The following MBD5 variants were observed in gnomAD, a reference collection of about 807,000 sequenced individuals.
The protein encoded by MBD5 is methyl-CpG-binding domain protein 5.
MBD5 carries 13 observed loss-of-function variants against 117.3 expected under a neutral mutation model. The observed-to-expected ratio is 0.11, with a 90% CI of 0.07 to 0.18. The LOEUF (loss-of-function observed/expected upper bound fraction) is 0.18. Ranked by LOEUF, MBD5 falls within the 10% of genes least tolerant of loss-of-function variation. MBD5 has a pLI of 1.00. For missense variants in MBD5, 1,879 were observed against 2,093.8 expected (o/e 0.90, Z 2.00); for synonymous variants, 727 against 766.4 (o/e 0.95, Z 0.85).
At chr2:148,342,761 T>A (rs561165206) in intron 4 of MBD5, among the ~76,000 whole-genome samples, 21 of 151,974 alleles carry the variant, frequency 1.4e-4, no homozygotes, top group African/African-American at 3.9e-4. Context: ...TTAAAAAAAA[T>A]TTATTTTTTT....
At chr2:148,409,297 A>C (rs1366580251) in intron 4 of MBD5, among the ~76,000 whole-genome samples, 2 of 151,756 alleles carry the variant, frequency 1.3e-5, no homozygotes, top group Non-Finnish European at 2.9e-5. Context: ...CTGAGGTGGG[A>C]GGATCACTTG....
intron 2 of MBD5, among the ~76,000 whole-genome samples, chr2:148,184,271 C>T (rs975795711): frequency 2.0e-5 from 3 of 152,134 alleles, no homozygotes; most frequent in Non-Finnish European, 4.4e-5. Context: ...CCTTGGCTTC[C>T]CACAGTGCTG....
intron 4 of MBD5, among the ~76,000 whole-genome samples, chr2:148,430,426 A>T (rs987424561): frequency 2.0e-5 from 3 of 152,110 alleles, no homozygotes; most frequent in South Asian, 2.1e-4. Context: ...TTGTTTTTTT[A>T]AAAAATGTGT....
chr2:148,450,913 C>G (rs1475926182), intron 4 of MBD5, among the ~76,000 whole-genome samples: 3 of 152,166 alleles, frequency 2.0e-5, no homozygotes, highest in Non-Finnish European at 4.4e-5. Context: ...AAGATGGGCA[C>G]AGACAAGCAT....
chr2:148,441,210 T>C (rs1345680549), intron 4 of MBD5, among the ~76,000 whole-genome samples: 1 of 152,118 alleles, frequency 6.6e-6, no homozygotes, highest in Non-Finnish European at 1.5e-5. Context: ...ACCCATTAAC[T>C]CGTCATTTAA....
chr2:148,434,697 G>A (rs1399726736), intron 4 of MBD5, among the ~76,000 whole-genome samples: 2 of 152,160 alleles, frequency 1.3e-5, no homozygotes, highest in Admixed American at 1.3e-4. Flanking sequence ...TTTAGAGTAT[G>A]TGTCATGTGG....
intron 1 of MBD5, among the ~76,000 whole-genome samples, chr2:148,058,864 G>A (rs1263620853): frequency 2.6e-5 from 4 of 152,206 alleles, no homozygotes; most frequent in South Asian, 2.1e-4. Context: ...ATTAAACATG[G>A]CATTCCAGAA....
intron 4 of MBD5, among the ~76,000 whole-genome samples, chr2:148,397,346 T>G (rs1704751028): frequency 6.8e-6 from 1 of 146,562 alleles, no homozygotes; most frequent in African/African-American, 2.5e-5. Flanking sequence ...TTTTTTTTTT[T>G]TGAGACGGAG....
intron 1 of MBD5, among the ~76,000 whole-genome samples, chr2:148,041,771 C>T (rs1316462332): frequency 6.6e-6 from 1 of 152,186 alleles, no homozygotes; most frequent in African/African-American, 2.4e-5. Context: ...CTTTCTTCTG[C>T]TTTCCACCCA....
In MBD5 at chr2:148,468,835, C is replaced by T. The variant is rs1264689120; in HGVS notation, c.892C>T (p.Pro298Ser). ...SCAMAGRTNIPLSPTLTTKSP... is the reference protein window; with the variant it reads ...SCAMAGRTNISLSPTLTTKSP... The stretch of plus-strand genomic sequence containing the variant: ...TGCAATGGCTGGAAGGACTAATATA[C>T]CTCTTTCCCCAACCTTGACTACAAA... Residue 298 changes from proline (P) to serine (S), a missense_variant, in exon 8 of 14, where the codon CCT (proline) becomes TCT (serine). Coordinates refer to ENST00000642680, the MANE Select transcript of MBD5 (RefSeq NM_001378120.1). 1 of 1,613,822 alleles carries T rather than the reference C, an allele frequency of 6.2e-7. No individual in the cohort carries two copies. The highest frequency in any genetic ancestry group is 1.3e-5 in the African/African-American group (1 of 74,886).
chr2:148,085,927 A>G (rs573014652), intron 1 of MBD5, among the ~76,000 whole-genome samples: 16 of 152,300 alleles, frequency 1.1e-4, no homozygotes, highest in African/African-American at 3.8e-4. Flanking sequence ...GTAAATGTAT[A>G]CGTAGTTCAC....
intron 4 of MBD5, among the ~76,000 whole-genome samples, chr2:148,436,343 G>GT (rs1407620583): frequency 1.3e-4 from 20 of 151,754 alleles, no homozygotes; most frequent in Admixed American, 1.1e-3. Context: ...ATTCTTTCTT[G>GT]GTTTTTTTGT....
intron 8 of MBD5, among the ~76,000 whole-genome samples, chr2:148,474,517 C>A (rs952689041): frequency 6.6e-6 from 1 of 152,026 alleles, no homozygotes; most frequent in Non-Finnish European, 1.5e-5. Context: ...CTTTTATGTT[C>A]TCTTATTTTT....
chr2:148,164,638 G>C (rs1372811492), intron 1 of MBD5, among the ~76,000 whole-genome samples: 2 of 151,814 alleles, frequency 1.3e-5, no homozygotes, highest in Non-Finnish European at 2.9e-5. Context: ...TTTAGGACCA[G>C]GCATAATTGA....
At chr2:148,282,976 A>G (rs946177780) in intron 3 of MBD5, among the ~76,000 whole-genome samples, 3 of 148,316 alleles carry the variant, frequency 2.0e-5, no homozygotes, top group Non-Finnish European at 4.5e-5. Flanking sequence ...TGGCAATTAT[A>G]TAAAGCTGTA....
intron 3 of MBD5, among the ~76,000 whole-genome samples, chr2:148,319,354 C>A (rs1339878891): frequency 6.6e-6 from 1 of 152,148 alleles, no homozygotes; most frequent in Non-Finnish European, 1.5e-5. Context: ...GCAGTCTGGT[C>A]ATTTTAACAA....
intron 1 of MBD5, among the ~76,000 whole-genome samples, chr2:148,103,838 A>G (rs1195962352): frequency 6.6e-6 from 1 of 152,186 alleles, no homozygotes; most frequent in Non-Finnish European, 1.5e-5. Context: ...TAAAAATATT[A>G]TATAATTCAT....
intron 4 of MBD5, among the ~76,000 whole-genome samples, chr2:148,403,193 T>C (rs956422708): frequency 1.3e-5 from 2 of 152,098 alleles, no homozygotes; most frequent in African/African-American, 4.8e-5. Context: ...TTCTTTTTTT[T>C]TTTTGAGACA....
intron 3 of MBD5, among the ~76,000 whole-genome samples, chr2:148,327,715 G>T (rs535656764): frequency 6.6e-6 from 1 of 151,760 alleles, no homozygotes; most frequent in East Asian, 1.9e-4. Flanking sequence ...GCACTTCTCC[G>T]TATTGGTTAT....
Sources: allele counts gnomAD v4.1 joint callset (sites outside exome capture counted in the v4.1 genomes callset), GRCh38; gene constraint gnomAD v4.1.1; transcripts MANE v1.5; gene names NCBI Gene and HGNC (gene_info 2026-07-23, HGNC 2026-07-21).